The following NELL1 variants were observed in gnomAD, a reference collection of about 807,000 sequenced individuals.
NELL1 encodes the protein neural EGFL like 1, also known as protein kinase C-binding protein NELL1.
In NELL1, 76 loss-of-function variants were observed where a neutral mutation model predicts 107.4. That is an observed-to-expected ratio of 0.71 (90% CI 0.59 to 0.86). The LOEUF (loss-of-function observed/expected upper bound fraction) is 0.86, where lower values mean the gene tolerates loss of function less well. NELL1 is among the 40% of genes least tolerant of loss of function. The pLI is 0.00. For synonymous variants in NELL1, 353 were observed against 341.2 expected, an observed-to-expected ratio of 1.03 and a Z score of -0.38; for missense variants, 1,024 against 1,005.5, an observed-to-expected ratio of 1.02 and a Z score of -0.25.
intron 13 of NELL1, among the ~76,000 whole-genome samples, chr11:21,204,243 C>T (rs1156740477): frequency 2.0e-5 from 3 of 152,158 alleles, no homozygotes; most frequent in African/African-American, 7.2e-5. Flanking sequence ...CTTTCAGGTA[C>T]ACCAATCAAA....
Position 20,973,235 on chromosome 11 carries a change from A to T in NELL1, c.1300+12675A>T, listed in dbSNP as rs185009477. On this transcript the variant is annotated intron_variant, in intron 12 of 19. Coordinates refer to ENST00000357134, the MANE Select transcript of NELL1 (RefSeq NM_006157.5). ...ATGATTCTCCGGCCTCAGCCTCCTG[A>T]GTAGCTGGGATTATAGGCATGCACC... 2.5e-3 allele frequency among the ~76,000 whole-genome samples: 372 copies of T among 149,768 alleles called. 3 individuals carry two copies. Among genetic ancestry groups the T allele is most frequent in the Middle Eastern group, 3.5e-3 (1 of 282 alleles).
intron 13 of NELL1, among the ~76,000 whole-genome samples, chr11:21,132,955 C>T (rs1401739128): frequency 6.6e-6 from 1 of 152,138 alleles, no homozygotes; most frequent in Admixed American, 6.5e-5. Context: ...AGTGACAGAA[C>T]AGCTCTCAGG....
At chr11:21,343,607 C>A (rs1195711137) in intron 14 of NELL1, among the ~76,000 whole-genome samples, 1 of 152,132 alleles carries the variant, frequency 6.6e-6, no homozygotes, top group East Asian at 1.9e-4. Flanking sequence ...CTGTAAAGAA[C>A]CAGGTATTAG....
chr11:20,763,607 A>G (rs563064239), intron 2 of NELL1, among the ~76,000 whole-genome samples: 32 of 152,344 alleles, frequency 2.1e-4, no homozygotes, highest in Admixed American at 1.5e-3. Context: ...CCTTTTTCAT[A>G]TCATGACACA....
At chr11:21,408,933 A>G (rs1852298723) in intron 15 of NELL1, among the ~76,000 whole-genome samples, 1 of 151,928 alleles carries the variant, frequency 6.6e-6, no homozygotes, top group Admixed American at 6.6e-5. Flanking sequence ...AGGAAACAAC[A>G]GGTGCTGGAG....
intron 15 of NELL1, among the ~76,000 whole-genome samples, chr11:21,403,494 A>G (rs1442667989): frequency 7.6e-6 from 1 of 131,178 alleles, no homozygotes; most frequent in Non-Finnish European, 1.7e-5. Flanking sequence ...CCTGTCTTTC[A>G]TATCTGGATG....
intron 14 of NELL1, among the ~76,000 whole-genome samples, chr11:21,326,038 T>C (rs982294741): frequency 6.8e-6 from 1 of 146,088 alleles, no homozygotes; most frequent in African/African-American, 2.5e-5. Flanking sequence ...CGGATATTTG[T>C]GTTAATCCTA....
intron 12 of NELL1, among the ~76,000 whole-genome samples, chr11:21,061,014 C>T (rs1053863090): frequency 1.1e-4 from 16 of 152,210 alleles, no homozygotes; most frequent in African/African-American, 3.1e-4. Flanking sequence ...GGATTACAGG[C>T]GTGAGCCACC....
chr11:21,306,933 T>A (rs758782795), intron 14 of NELL1, among the ~76,000 whole-genome samples: 34 of 152,048 alleles, frequency 2.2e-4, no homozygotes, highest in Non-Finnish European at 4.1e-4. Flanking sequence ...GTCTGAATTC[T>A]TTCAGTCTTA....
chr11:21,298,727 C>T (rs777998341), intron 14 of NELL1, among the ~76,000 whole-genome samples: 9 of 151,884 alleles, frequency 5.9e-5, no homozygotes, highest in Non-Finnish European at 1.0e-4. Context: ...CTGGACCATT[C>T]GGTGCCATCA....
Position 21,293,872 on chromosome 11 carries a change from T to C in NELL1, c.1549+64418T>C, listed in dbSNP as rs914230243. Reference sequence around the variant, plus strand: ...ACATGATCTCACTCATAATTGGAAGTTGAACAATGAAAACACATGGAAACA... The same window carrying C: ...ACATGATCTCACTCATAATTGGAAGCTGAACAATGAAAACACATGGAAACA... On this transcript the variant is annotated intron_variant, in intron 14 of 19. Transcript: ENST00000357134. 3.9e-5 allele frequency among the ~76,000 whole-genome samples: 6 copies of C among 152,074 alleles called. No individual in the cohort carries two copies. The East Asian group carries it at 7.7e-4, about 20-fold the overall frequency.
chr11:20,893,710 A>G (rs1849665639), intron 5 of NELL1, among the ~76,000 whole-genome samples: 1 of 151,898 alleles, frequency 6.6e-6, no homozygotes, highest in African/African-American at 2.4e-5. Flanking sequence ...CCATTTCACA[A>G]TTGTTATTAT....
chr11:20,816,926 T>G (rs1857635652), intron 3 of NELL1, among the ~76,000 whole-genome samples: 1 of 152,224 alleles, frequency 6.6e-6, no homozygotes, highest in Non-Finnish European at 1.5e-5. Context: ...TAGTTTTGTT[T>G]ATGTGTTAAA....
intron 15 of NELL1, among the ~76,000 whole-genome samples, chr11:21,471,241 GA>G (rs968824959): frequency 6.7e-5 from 10 of 149,754 alleles, no homozygotes; most frequent in East Asian, 3.9e-4. Flanking sequence ...TCTCTATTTG[GA>G]AAAAAAAATA....
intron 14 of NELL1, chr11:21,259,984 T>C (rs1858864750): frequency 6.6e-6 from 1 of 151,978 alleles, no homozygotes; most frequent in Admixed American, 6.6e-5. Context: ...ACCTTTAAAG[T>C]ACAACTCAGC....
At chr11:21,075,586 C>G (rs1854115558) in intron 12 of NELL1, among the ~76,000 whole-genome samples, 1 of 152,122 alleles carries the variant, frequency 6.6e-6, no homozygotes, top group Non-Finnish European at 1.5e-5. Flanking sequence ...TCAAGTGATT[C>G]TCCCACCTCA....
At chr11:21,494,013 A>G (rs1854907163) in intron 15 of NELL1, among the ~76,000 whole-genome samples, 1 of 151,912 alleles carries the variant, frequency 6.6e-6, no homozygotes, top group Non-Finnish European at 1.5e-5. Context: ...TATTGTACAT[A>G]TATTTTTCAT....
intron 2 of NELL1, among the ~76,000 whole-genome samples, chr11:20,719,073 A>G (rs1855317996): frequency 6.6e-6 from 1 of 152,252 alleles, no homozygotes; most frequent in African/African-American, 2.4e-5. Context: ...AGCAAGTTCC[A>G]TGGCTAAGCA....
At chr11:20,697,488 A>G (rs1854654280) in intron 2 of NELL1, among the ~76,000 whole-genome samples, 1 of 151,802 alleles carries the variant, frequency 6.6e-6, no homozygotes, top group Non-Finnish European at 1.5e-5. Flanking sequence ...GTATCTTTCA[A>G]GTAGCTTGTT....
Sources: allele counts gnomAD v4.1 joint callset (sites outside exome capture counted in the v4.1 genomes callset), GRCh38; gene constraint gnomAD v4.1.1; transcripts MANE v1.5; gene names NCBI Gene and HGNC (gene_info 2026-07-23, HGNC 2026-07-21).